Variants in NUDCD3 observed in about 807,000 individuals in gnomAD.
The protein encoded by NUDCD3 is nudC domain-containing protein 3.
NUDCD3 carries 13 observed loss-of-function variants against 39.7 expected under a neutral mutation model. That is an observed-to-expected ratio of 0.33 (90% CI 0.21 to 0.52). The LOEUF is 0.52. NUDCD3 is among the 20% of genes least tolerant of loss of function. The pLI is 0.96. For missense variants in NUDCD3, 453 were observed against 458.1 expected (o/e 0.99, Z 0.10); for synonymous variants, 175 against 172.4 (o/e 1.02, Z -0.12).
chr7:44,389,754 C>T (rs1798474023), intron 5 of NUDCD3, among the ~76,000 whole-genome samples: 1 of 151,430 alleles, frequency 6.6e-6, no homozygotes, highest in Non-Finnish European at 1.5e-5. Context: ...GGTGTTGGCA[C>T]AGAACATAAA....
At chr7:44,439,731 C>A (rs963997808) in intron 2 of NUDCD3, among the ~76,000 whole-genome samples, 2 of 151,942 alleles carry the variant, frequency 1.3e-5, no homozygotes, top group Non-Finnish European at 2.9e-5. Context: ...AATGAACCAC[C>A]CATGAGTCCA....
intron 3 of NUDCD3, among the ~76,000 whole-genome samples, chr7:44,414,881 A>C (rs989665304): frequency 6.6e-6 from 1 of 152,216 alleles, no homozygotes; most frequent in African/African-American, 2.4e-5. Context: ...CCTGGGGATC[A>C]GTTAGAGCCA....
In NUDCD3 at chr7:44,404,526, C is replaced by G; in HGVS notation, c.700G>C (p.Glu234Gln). The change falls in exon 4 of 6, where the codon GAG becomes CAG. Residue 234 changes from glutamate to glutamine, a missense_variant. Physicochemically the swap from Glu to Gln is conservative, Grantham distance 29. Coordinates refer to ENST00000355451, the MANE Select transcript of NUDCD3 (RefSeq NM_015332.4). ...IRVAMLEENG[E>Q]RVLMEGKLTH... ...AGCTTCCCTTCCATGAGGACGCGCT[C>G]CCCATTTTCCTCCAGCATGGCCACA... The G allele has an allele frequency of 3.1e-6, 5 of 1,614,026 alleles. No individual in the cohort carries two copies. Among genetic ancestry groups the G allele is most frequent in the African/African-American group, 1.3e-5 (1 of 74,994 alleles).
intron 4 of NUDCD3, among the ~76,000 whole-genome samples, chr7:44,403,535 G>C (rs554207645): frequency 6.6e-6 from 1 of 152,248 alleles, no homozygotes; most frequent in South Asian, 2.1e-4. Flanking sequence ...CACTCCTTTC[G>C]GTACCTGGCC....
At chr7:44,454,824 T>C (rs1228880095) in intron 2 of NUDCD3, among the ~76,000 whole-genome samples, 1 of 151,934 alleles carries the variant, frequency 6.6e-6, no homozygotes, top group Non-Finnish European at 1.5e-5. Flanking sequence ...TCCCAACTAC[T>C]CCAGAGGCTA....
At position 44,392,401 on chromosome 7, in the gene NUDCD3, CCTT is replaced by C. The variant is rs777468530; in HGVS notation, c.868_870del (p.Lys290del). On this transcript the variant is annotated inframe_deletion, in exon 5 of 6. Coordinates refer to ENST00000355451, the MANE Select transcript of NUDCD3 (RefSeq NM_015332.4). The stretch of plus-strand genomic sequence containing the variant: ...TCATCCACGGTGGCCATGGAGCGCT[CCTT>C]GTTGATCTTGTCAATGTCGATGGGC... 1 of 1,614,132 alleles carries C rather than the reference CCTT, an allele frequency of 6.2e-7. No homozygotes were observed. Among genetic ancestry groups the C allele is most frequent in the Non-Finnish European group, 8.5e-7 (1 of 1,180,010 alleles).
At chr7:44,401,324 A>G (rs1042518775) in intron 4 of NUDCD3, among the ~76,000 whole-genome samples, 1 of 152,236 alleles carries the variant, frequency 6.6e-6, no homozygotes, top group Non-Finnish European at 1.5e-5. Context: ...AGAGGAAACA[A>G]TGTGGGCTTA....
intron 3 of NUDCD3, among the ~76,000 whole-genome samples, chr7:44,413,477 A>G (rs545870553): frequency 3.2e-4 from 48 of 152,350 alleles, no homozygotes; most frequent in African/African-American, 1.1e-3. Context: ...CCTAGAAATC[A>G]GTAAGAAAAA....
Position 44,490,630 on chromosome 7 carries a change from C to T in NUDCD3, c.-30G>A. 1 of 1,568,058 alleles carries T rather than the reference C, an allele frequency of 6.4e-7. No individual in the cohort carries two copies. The highest frequency in any genetic ancestry group is 1.2e-5 in the South Asian group (1 of 85,418). On this transcript the variant is annotated 5_prime_UTR_variant, in exon 1 of 6. In the 5' UTR this introduces an upstream ATG that the reference lacks. Transcript: ENST00000355451. The stretch of plus-strand genomic sequence containing the variant: ...CCTCCCGCCCTAGGTACGCTTCACA[C>T]ACACAGCGCCGCCTCAGACCTGCCG...
chr7:44,463,835 C>T (rs942040270), intron 2 of NUDCD3, among the ~76,000 whole-genome samples: 5 of 151,846 alleles, frequency 3.3e-5, no homozygotes, highest in Admixed American at 6.6e-5. Flanking sequence ...AAAAAATCAA[C>T]GGACATTTTC....
At chr7:44,428,660 G>A (rs1384271433) in intron 2 of NUDCD3, among the ~76,000 whole-genome samples, 1 of 152,102 alleles carries the variant, frequency 6.6e-6, no homozygotes, top group Non-Finnish European at 1.5e-5. Context: ...TATAAACACA[G>A]CACTAAATAC....
chr7:44,405,094 G>A (rs1798793747), intron 3 of NUDCD3, among the ~76,000 whole-genome samples: 1 of 152,198 alleles, frequency 6.6e-6, no homozygotes, highest in Admixed American at 6.5e-5. Flanking sequence ...TGCACTGCCT[G>A]GTTGACTATA....
chr7:44,442,852 C>T (rs1325407449), intron 2 of NUDCD3, among the ~76,000 whole-genome samples: 4 of 152,016 alleles, frequency 2.6e-5, no homozygotes, highest in Non-Finnish European at 4.4e-5. Context: ...CCCACCACTG[C>T]GCCTGGCTAA....
intron 5 of NUDCD3, among the ~76,000 whole-genome samples, chr7:44,386,428 C>T (rs1011377223): frequency 6.6e-6 from 1 of 152,232 alleles, no homozygotes; most frequent in African/African-American, 2.4e-5. Context: ...ACCAGGATCT[C>T]TGTCCAAATT....
chr7:44,470,322 A>G (rs1335347115), intron 2 of NUDCD3, among the ~76,000 whole-genome samples: 2 of 152,196 alleles, frequency 1.3e-5, no homozygotes, highest in South Asian at 4.2e-4. Context: ...CACAGCTGCT[A>G]TTTTAAAGAC....
intron 2 of NUDCD3, among the ~76,000 whole-genome samples, chr7:44,451,002 A>G (rs1381645516): frequency 6.6e-6 from 1 of 152,248 alleles, no homozygotes; most frequent in Non-Finnish European, 1.5e-5. Flanking sequence ...AAATCAGACT[A>G]AAAAGAGTAT....
chr7:44,480,102 T>C (rs1285554575), intron 2 of NUDCD3, among the ~76,000 whole-genome samples: 3 of 152,230 alleles, frequency 2.0e-5, no homozygotes, highest in African/African-American at 7.2e-5. Flanking sequence ...CTTCACTCTA[T>C]ACTTATTTTT....
At chr7:44,396,506 C>G (rs1323210470) in intron 4 of NUDCD3, among the ~76,000 whole-genome samples, 1 of 152,130 alleles carries the variant, frequency 6.6e-6, no homozygotes, top group Admixed American at 6.5e-5. Flanking sequence ...CCTGGAGTCC[C>G]TCTCCACACT....
At chr7:44,435,030 C>T (rs1183814417) in intron 2 of NUDCD3, among the ~76,000 whole-genome samples, 2 of 152,214 alleles carry the variant, frequency 1.3e-5, no homozygotes, top group African/African-American at 4.8e-5. Flanking sequence ...TGGGATGATT[C>T]TTGAACCCTC....
Sources: gnomAD v4.1 joint callset for allele counts (sites outside exome capture counted in the v4.1 genomes callset) on GRCh38, gnomAD v4.1.1 for gene constraint, MANE v1.5 for transcripts, NCBI Gene and HGNC (gene_info 2026-07-23, HGNC 2026-07-21) for gene names.